The following TAX1BP1 variants were observed in gnomAD, a reference collection of about 807,000 sequenced individuals.
TAX1BP1 encodes tax1-binding protein 1.
In TAX1BP1, 62 loss-of-function variants were observed where a neutral mutation model predicts 97.7. The ratio of observed to expected loss-of-function variants is 0.63; its 90% CI spans 0.52 to 0.78. The LOEUF is 0.78. TAX1BP1 is among the 30% of genes least tolerant of loss of function. TAX1BP1 has a pLI of 0.00. For synonymous variants in TAX1BP1, 340 were observed against 304.2 expected, an observed-to-expected ratio of 1.12 and a Z score of -1.23; for missense variants, 867 against 916.1, an observed-to-expected ratio of 0.95 and a Z score of 0.69.
At chr7:27,767,955 A>C (rs1788702177) in intron 4 of TAX1BP1, among the ~76,000 whole-genome samples, 1 of 152,008 alleles carries the variant, frequency 6.6e-6, no homozygotes, top group African/African-American at 2.4e-5. Flanking sequence ...TACAAATGTG[A>C]GACATTATCT....
chr7:27,749,776 T>C (rs1318277788), intron 2 of TAX1BP1, among the ~76,000 whole-genome samples: 1 of 152,170 alleles, frequency 6.6e-6, no homozygotes, highest in Non-Finnish European at 1.5e-5. Context: ...TTTATGAAAT[T>C]AGGAGTAGTT....
chr7:27,794,691 CATG>C (rs977517823), intron 11 of TAX1BP1, among the ~76,000 whole-genome samples: 13 of 152,138 alleles, frequency 8.5e-5, no homozygotes, highest in African/African-American at 2.9e-4. Flanking sequence ...ACTATTCACA[CATG>C]TTAAAAATGA....
intron 1 of TAX1BP1, among the ~76,000 whole-genome samples, chr7:27,743,081 G>A (rs1161893330): frequency 6.6e-6 from 1 of 152,072 alleles, no homozygotes; most frequent in Non-Finnish European, 1.5e-5. Context: ...TAATATGTGT[G>A]GGCCAATATC....
intron 3 of TAX1BP1, among the ~76,000 whole-genome samples, chr7:27,759,724 A>C (rs1788352480): frequency 6.6e-6 from 1 of 152,228 alleles, no homozygotes; most frequent in South Asian, 2.1e-4. Flanking sequence ...TGTTAGCAGA[A>C]AGAAGTTTAC....
At chr7:27,784,279 T>G (rs1323337616) in intron 5 of TAX1BP1, among the ~76,000 whole-genome samples, 1 of 152,220 alleles carries the variant, frequency 6.6e-6, no homozygotes, top group East Asian at 1.9e-4. Flanking sequence ...TTACCAATTC[T>G]TTTATAATAT....
chr7:27,794,210 C>T, intron 10 of TAX1BP1, 113 bp from the exon 11 acceptor site: 1 of 946,968 alleles, frequency 1.1e-6, no homozygotes, highest in East Asian at 2.8e-5. Flanking sequence ...GCTTTGTGGA[C>T]TTCTTAGGAT....
At chr7:27,812,698 C>A (rs1210494039) in intron 13 of TAX1BP1, among the ~76,000 whole-genome samples, 1 of 152,034 alleles carries the variant, frequency 6.6e-6, no homozygotes, top group African/African-American at 2.4e-5. Context: ...TATAAGTACC[C>A]AGTTTTTAAA....
rs1346344586 is a variant in TAX1BP1 at position 27,758,120 on chromosome 7, A to G, written c.252A>G (p.Val84=). 2 of 1,609,498 alleles carry G rather than the reference A, an allele frequency of 1.2e-6. No homozygotes were observed. Among genetic ancestry groups the G allele is most frequent in the Non-Finnish European group, 1.7e-6 (2 of 1,178,074 alleles). The part of the protein sequence containing the change: ...HYVEGSTVNC[V]LAFQGYYLPN... Reference sequence around the variant, plus strand: ...TGGAAGGATCAACAGTCAATTGTGTACTAGCATTCCAAGGTAAGGACTGAA... The same window carrying G: ...TGGAAGGATCAACAGTCAATTGTGTGCTAGCATTCCAAGGTAAGGACTGAA... Residue 84 remains valine (V), a synonymous_variant, in exon 3 of 17, where the codon GTA becomes GTG. Transcript: ENST00000396319.
chr7:27,818,665 C>T (rs750682909), intron 15 of TAX1BP1, among the ~76,000 whole-genome samples: 2 of 152,094 alleles, frequency 1.3e-5, no homozygotes, highest in Admixed American at 6.6e-5. Flanking sequence ...TTGTGACTCC[C>T]GTTTACCTAA....
At chr7:27,778,289 G>A (rs1789112340) in intron 5 of TAX1BP1, among the ~76,000 whole-genome samples, 1 of 152,120 alleles carries the variant, frequency 6.6e-6, no homozygotes, top group South Asian at 2.1e-4. Flanking sequence ...GGTTAGTGAT[G>A]TAGTTGATTT....
intron 13 of TAX1BP1, among the ~76,000 whole-genome samples, chr7:27,813,942 G>A (rs561012938): frequency 3.9e-5 from 6 of 152,016 alleles, no homozygotes; most frequent in African/African-American, 1.2e-4. Flanking sequence ...TTAATGGTCA[G>A]TAAGTCCTCA....
At chr7:27,793,810 T>C (rs1286909587) in intron 10 of TAX1BP1, among the ~76,000 whole-genome samples, 1 of 152,216 alleles carries the variant, frequency 6.6e-6, no homozygotes, top group Non-Finnish European at 1.5e-5. Context: ...TCTGAGGAAC[T>C]CCTGGAAATG....
At chr7:27,772,454 A>C (rs1041404832) in intron 5 of TAX1BP1, 1 of 152,076 alleles carries the variant, frequency 6.6e-6, no homozygotes, top group East Asian at 1.9e-4. Context: ...TGTAATAAGC[A>C]GAGACCTTCA....
At chr7:27,785,996 A>G (rs567853830) in intron 7 of TAX1BP1, among the ~76,000 whole-genome samples, 3 of 152,268 alleles carry the variant, frequency 2.0e-5, no homozygotes, top group South Asian at 2.1e-4. Flanking sequence ...AAGAACATAT[A>G]TATATATACA....
chr7:27,742,069 G>A (rs887926354), intron 1 of TAX1BP1, among the ~76,000 whole-genome samples: 1 of 152,238 alleles, frequency 6.6e-6, no homozygotes, highest in African/African-American at 2.4e-5. Context: ...CTCAGTAGAT[G>A]GAACGTACAA....
intron 15 of TAX1BP1, among the ~76,000 whole-genome samples, chr7:27,825,303 A>G (rs1417974538): frequency 2.6e-5 from 4 of 151,314 alleles, no homozygotes; most frequent in Non-Finnish European, 5.9e-5. Flanking sequence ...AGTATTTTTA[A>G]TCTACTGTGG....
chr7:27,767,166 A>G (rs544253392), intron 4 of TAX1BP1, among the ~76,000 whole-genome samples: 1 of 152,122 alleles, frequency 6.6e-6, no homozygotes, highest in Non-Finnish European at 1.5e-5. Context: ...TATTTGAGTT[A>G]TTGTGATTAA....
chr7:27,772,862 A>G (rs547134516), intron 5 of TAX1BP1, among the ~76,000 whole-genome samples: 2 of 152,174 alleles, frequency 1.3e-5, no homozygotes, highest in African/African-American at 4.8e-5. Flanking sequence ...AATAAATTAC[A>G]TATTGTATTT....
At chr7:27,749,614 A>G (rs1402848296) in intron 2 of TAX1BP1, among the ~76,000 whole-genome samples, 1 of 152,174 alleles carries the variant, frequency 6.6e-6, no homozygotes, top group Non-Finnish European at 1.5e-5. Context: ...TGGACAAAAC[A>G]ATTTTGGCAT....
Sources: gnomAD v4.1 joint callset for allele counts (sites outside exome capture counted in the v4.1 genomes callset) on GRCh38, gnomAD v4.1.1 for gene constraint, MANE v1.5 for transcripts, NCBI Gene and HGNC (gene_info 2026-07-23, HGNC 2026-07-21) for gene names.